The following ABI3BP variants were observed in gnomAD, a reference collection of about 807,000 sequenced individuals.
ABI3BP encodes ABI family member 3 binding protein.
ABI3BP carries 216 observed loss-of-function variants against 268.6 expected under a neutral mutation model. The observed-to-expected ratio is 0.80, with a 90% CI of 0.72 to 0.90. The LOEUF (loss-of-function observed/expected upper bound fraction) is 0.90, where lower values mean the gene tolerates loss of function less well. ABI3BP is among the 40% of genes least tolerant of loss of function. ABI3BP has a pLI of 0.00. For synonymous variants in ABI3BP, 730 were observed against 730.0 expected, an observed-to-expected ratio of 1.00 and a Z score of 0.00; for missense variants, 2,090 against 2,182.4, an observed-to-expected ratio of 0.96 and a Z score of 0.84.
chr3:100,987,261 T>C (rs9852414), intron 1 of ABI3BP, among the ~76,000 whole-genome samples: 28,618 of 152,128 alleles, frequency 0.19, 2,792 homozygotes, highest in East Asian at 0.37. Flanking sequence ...ACCTCACTTA[T>C]GTCTTTAAAA....
intron 9 of ABI3BP, among the ~76,000 whole-genome samples, chr3:100,867,880 C>T (rs1395482389): frequency 1.3e-5 from 2 of 151,982 alleles, no homozygotes; most frequent in Non-Finnish European, 2.9e-5. Context: ...CATTTTTCCT[C>T]TTTATGCAAC....
At chr3:100,930,117 T>C (rs2063133923) in intron 1 of ABI3BP, among the ~76,000 whole-genome samples, 1 of 152,008 alleles carries the variant, frequency 6.6e-6, no homozygotes, top group Non-Finnish European at 1.5e-5. Flanking sequence ...TAAAGACCTC[T>C]GGTGAGTGCC....
chr3:100,886,684 C>T (rs528095336), intron 4 of ABI3BP, among the ~76,000 whole-genome samples: 1 of 151,614 alleles, frequency 6.6e-6, no homozygotes, highest in East Asian at 1.9e-4. Flanking sequence ...AACATAGGTG[C>T]CATTTTATAA....
At chr3:100,862,746 G>A in intron 13 of ABI3BP, 92 bp downstream of exon 13, 1 of 883,612 alleles carries the variant, frequency 1.1e-6, no homozygotes, top group South Asian at 1.7e-5. Context: ...AGTTCATGAG[G>A]TTTCCAGAAA....
intron 1 of ABI3BP, among the ~76,000 whole-genome samples, chr3:100,951,108 C>G (rs1257127091): frequency 6.6e-6 from 1 of 151,974 alleles, no homozygotes; most frequent in Non-Finnish European, 1.5e-5. Context: ...CTAAAAATGT[C>G]TGAGACAAGT....
intron 2 of ABI3BP, among the ~76,000 whole-genome samples, chr3:100,905,789 A>C (rs2053144551): frequency 6.6e-6 from 1 of 152,134 alleles, no homozygotes; most frequent in African/African-American, 2.4e-5. Context: ...CAATATAAAG[A>C]TATAAAGTAA....
intron 1 of ABI3BP, among the ~76,000 whole-genome samples, chr3:100,971,736 A>G (rs2083690546): frequency 6.6e-6 from 1 of 152,190 alleles, no homozygotes; most frequent in Non-Finnish European, 1.5e-5. Context: ...AGAGCTTTAT[A>G]TGTGGTGGGT....
At chr3:100,756,291 G>T (rs771768741) in intron 63 of ABI3BP, among the ~76,000 whole-genome samples, 1 of 152,194 alleles carries the variant, frequency 6.6e-6, no homozygotes, top group Non-Finnish European at 1.5e-5. Context: ...TCGGGAGGCC[G>T]AGGCAGGCAG....
chr3:100,959,116 C>A (rs967479214), intron 1 of ABI3BP, among the ~76,000 whole-genome samples: 2 of 152,154 alleles, frequency 1.3e-5, no homozygotes, highest in African/African-American at 4.8e-5. Flanking sequence ...GATGGGAATA[C>A]CTTCTAGGCC....
At chr3:100,791,139 T>C (rs2097187365) in intron 55 of ABI3BP, among the ~76,000 whole-genome samples, 1 of 151,884 alleles carries the variant, frequency 6.6e-6, no homozygotes, top group Non-Finnish European at 1.5e-5. Context: ...CATGTACAAA[T>C]ATGTTAAGAC....
At chr3:100,985,165 T>C (rs958479686) in intron 1 of ABI3BP, among the ~76,000 whole-genome samples, 1 of 143,992 alleles carries the variant, frequency 6.9e-6, no homozygotes, top group Non-Finnish European at 1.5e-5. Context: ...TTTTTTTTTT[T>C]TGGAGACAGA....
chr3:100,901,496 G>C (rs550427991), intron 3 of ABI3BP, among the ~76,000 whole-genome samples: 1 of 152,278 alleles, frequency 6.6e-6, no homozygotes, highest in East Asian at 1.9e-4. Context: ...GGGTGCAGTG[G>C]CTCACACCTG....
At chr3:100,814,579 G>T (rs886107260) in intron 44 of ABI3BP, among the ~76,000 whole-genome samples, 8 of 152,008 alleles carry the variant, frequency 5.3e-5, no homozygotes, top group Admixed American at 3.3e-4. Context: ...GGAGGAAATT[G>T]CTCTATATCT....
At chr3:100,821,756 C>T (rs553090210) in intron 38 of ABI3BP, among the ~76,000 whole-genome samples, 7 of 152,010 alleles carry the variant, frequency 4.6e-5, no homozygotes, top group Non-Finnish European at 1.0e-4. Context: ...GCACCCACCA[C>T]CATGCCCAGC....
At chr3:100,788,075 G>C (rs898422859) in intron 56 of ABI3BP, among the ~76,000 whole-genome samples, 1 of 152,130 alleles carries the variant, frequency 6.6e-6, no homozygotes, top group Admixed American at 6.6e-5. Flanking sequence ...TCCGAAGTGG[G>C]AAAGATCTTG....
chr3:100,904,901 C>T (rs1359715372), intron 2 of ABI3BP, among the ~76,000 whole-genome samples: 1 of 152,132 alleles, frequency 6.6e-6, no homozygotes, highest in Non-Finnish European at 1.5e-5. Context: ...TCCAGCCATC[C>T]CATTACTGGG....
At position 100,902,650 on chromosome 3, in the gene ABI3BP, G is replaced by A; in HGVS notation, c.296C>T (p.Ala99Val). The A allele has an allele frequency of 6.2e-7, 1 of 1,613,936 alleles. No individual in the cohort carries two copies. Among genetic ancestry groups the A allele is most frequent in the African/African-American group, 1.3e-5 (1 of 75,060 alleles). ...TGACTTCTTTTGACTTGGAGGTGGA[G>A]CAGGTCGCACAACTATCAGATATTT... Reference protein sequence around the residue: ...EPKYLIVVRPAPPPSQKKSCS... With the variant: ...EPKYLIVVRPVPPPSQKKSCS... The change falls in exon 3 of 68, where the codon GCT becomes GTT. Residue 99 changes from alanine to valine, a missense_variant. Coordinates refer to ENST00000471714, the MANE Select transcript of ABI3BP (RefSeq NM_001375547.2).
chr3:100,846,594 A>G, intron 19 of ABI3BP, 148 bp from the exon 20 acceptor site: 2 of 552,192 alleles, frequency 3.6e-6, no homozygotes, highest in Non-Finnish European at 6.3e-6. Flanking sequence ...TTCCATTAAG[A>G]GAATATTTCA....
chr3:100,796,453 A>T lies in ABI3BP; in HGVS notation c.3773T>A (p.Leu1258His), dbSNP rs374531260. The T allele has an allele frequency of 6.9e-6, 11 of 1,603,448 alleles. No homozygotes were observed. In the African/African-American group the frequency reaches 9.4e-5, roughly 14 times the overall value. The change falls in exon 52 of 68, where the codon CTC becomes CAC. Residue 1258 changes from leucine (L) to histidine (H), a missense_variant. Leu to His is a moderately conservative substitution (Grantham distance 99, BLOSUM62 -3). Coordinates refer to ENST00000471714, the MANE Select transcript of ABI3BP (RefSeq NM_001375547.2). ...CTCAGGGTATGGTTTATGAGGAAGG[A>T]GCACATCTTTTGGAGCTGAAAGAAA... is the stretch of plus-strand genomic sequence containing the variant. ...SYTTPAPKDV[L>H]LPHKPYPEVS...
Sources: allele counts gnomAD v4.1 joint callset (sites outside exome capture counted in the v4.1 genomes callset), GRCh38; gene constraint gnomAD v4.1.1; transcripts MANE v1.5; gene names NCBI Gene and HGNC (gene_info 2026-07-23, HGNC 2026-07-21).